ADRA1B: variants seen among roughly 807,000 people sequenced by gnomAD.
The protein encoded by ADRA1B is adrenoceptor alpha 1B.
In ADRA1B, 17 loss-of-function variants were observed where a neutral mutation model predicts 17.9. That is an observed-to-expected ratio of 0.95 (90% CI 0.65 to 1.42). ADRA1B has a LOEUF of 1.42. Among genes scored for constraint, ADRA1B ranks in the 40% most tolerant of loss-of-function variants. ADRA1B has a pLI of 0.00. For synonymous variants in ADRA1B, 366 were observed against 327.6 expected (o/e 1.12, Z -1.27); for missense variants, 681 against 722.1 (o/e 0.94, Z 0.65).
chr5:159,952,485 G>C (rs561618650), intron 1 of ADRA1B, among the ~76,000 whole-genome samples: 1 of 152,234 alleles, frequency 6.6e-6, no homozygotes, highest in South Asian at 2.1e-4. Context: ...GGAAACTACT[G>C]TCCTTGGCTT....
chr5:159,966,849 C>A (rs1561611276), intron 1 of ADRA1B, among the ~76,000 whole-genome samples: 1 of 152,198 alleles, frequency 6.6e-6, no homozygotes, highest in East Asian at 1.9e-4. Flanking sequence ...TCCGTAATAG[C>A]CAAAAATTGG....
Position 159,972,079 on chromosome 5 carries a change from T to G in ADRA1B, c.1150T>G (p.Cys384Gly). The G allele has an allele frequency of 7.7e-7, 1 of 1,296,294 alleles. No homozygotes were observed. Among genetic ancestry groups the G allele is most frequent in the South Asian group, 2.6e-5 (1 of 38,202 alleles). The allele number at this position is 1,296,294 out of a possible 1,614,324, so 80.3% of individuals were successfully genotyped here. A position where few individuals can be genotyped will look rare whatever the true frequency, so the allele number is the denominator to read the frequency against. Residue 384 changes from cysteine to glycine, a missense_variant, in exon 2 of 2, where the codon TGC becomes GGC. This residue lies in a region of ADRA1B where 251 missense variants were observed against 224.9 expected (regional missense o/e 1.12). Transcript: ENST00000306675. ...RRRRRRRLGGCAYTYRPWTRG... is the reference protein window; with the variant it reads ...RRRRRRRLGGGAYTYRPWTRG... ...CCGCCGCCGCCGTCGCCTGGGCGGC[T>G]GCGCCTACACCTACCGGCCGTGGAC...
chr5:159,983,784 T>A, the ADRA1B span, among the ~76,000 whole-genome samples: 68 of 151,976 alleles, frequency 4.5e-4, 1 homozygote, highest in African/African-American at 1.5e-3. Context: ...GCATCACTGA[T>A]CTCTCCTTTT....
intron 1 of ADRA1B, among the ~76,000 whole-genome samples, chr5:159,938,536 T>G (rs762321479): frequency 2.5e-4 from 38 of 152,170 alleles, no homozygotes; most frequent in Admixed American, 1.0e-3. Flanking sequence ...AAAATATGCC[T>G]TCAAGGCTGC....
intron 1 of ADRA1B, among the ~76,000 whole-genome samples, chr5:159,874,960 C>T (rs1206581925): frequency 6.6e-6 from 1 of 152,158 alleles, no homozygotes; most frequent in Non-Finnish European, 1.5e-5. Flanking sequence ...TAAATGAGAA[C>T]TGAGAATTCG....
At chr5:159,945,566 G>A (rs1755246188) in intron 1 of ADRA1B, among the ~76,000 whole-genome samples, 1 of 152,114 alleles carries the variant, frequency 6.6e-6, no homozygotes, top group East Asian at 1.9e-4. Context: ...GTGCTGGACT[G>A]CACAGAAGCA....
chr5:159,970,019 T>C lies in ADRA1B; in HGVS notation c.950-1860T>C, dbSNP rs140163635. Among the ~76,000 whole-genome samples the C allele has an allele frequency of 2.5e-3, 385 of 152,302 alleles. 6 individuals are homozygous for C. In the East Asian group the frequency reaches 0.05, roughly 20 times the overall value. On this transcript the variant is annotated intron_variant, in intron 1 of 1. Transcript: ENST00000306675. Reference sequence around the variant, plus strand: ...AGCATGCTGTGTGACCTGGGGCAAGTCATTTAACCTCTCCAAGTTTCAGCT... The same window carrying C: ...AGCATGCTGTGTGACCTGGGGCAAGCCATTTAACCTCTCCAAGTTTCAGCT...
upstream of ADRA1B, among the ~76,000 whole-genome samples, chr5:159,912,134 G>A (rs1260043705): frequency 6.6e-6 from 1 of 152,200 alleles, no homozygotes; most frequent in Non-Finnish European, 1.5e-5. Context: ...ATTACTCTGT[G>A]CTGAGCACTT....
chr5:159,887,565 C>G (rs565948568), intron 1 of ADRA1B, among the ~76,000 whole-genome samples: 1 of 152,208 alleles, frequency 6.6e-6, no homozygotes, highest in Admixed American at 6.5e-5. Flanking sequence ...AGATAAGCAC[C>G]CAGACTTCTA....
intron 1 of ADRA1B, among the ~76,000 whole-genome samples, chr5:159,881,788 C>T (rs891902): frequency 0.19 from 29,556 of 151,948 alleles, 3,016 homozygotes; most frequent in African/African-American, 0.23. Flanking sequence ...GAGGTCAGGA[C>T]GCTCTCAGAG....
intron 1 of ADRA1B, among the ~76,000 whole-genome samples, chr5:159,926,535 A>G (rs1290821583): frequency 6.6e-6 from 1 of 152,176 alleles, no homozygotes; most frequent in South Asian, 2.1e-4. Context: ...GACTTCTTCT[A>G]GTATTTGAAC....
rs139565935 is a variant in ADRA1B at position 159,954,397 on chromosome 5, G to T, written c.950-17482G>T. 2.2e-3 allele frequency among the ~76,000 whole-genome samples: 335 copies of T among 152,212 alleles called. 2 individuals carry two copies. The highest frequency in any genetic ancestry group is 7.7e-3 in the African/African-American group (321 of 41,526). On this transcript the variant is annotated intron_variant, in intron 1 of 1. Transcript: ENST00000306675. ...GCTCTCTGGGATCTCTTTTATAAGG[G>T]TATGAATCCCATTCATGAGGGCTCC...
chr5:159,879,935 G>A (rs1350905458), intron 1 of ADRA1B, among the ~76,000 whole-genome samples: 1 of 152,196 alleles, frequency 6.6e-6, no homozygotes, highest in Non-Finnish European at 1.5e-5. Flanking sequence ...GGAGGAGGTT[G>A]CAGTGAACTG....
intron 1 of ADRA1B, chr5:159,950,984 C>A (rs1423889639): frequency 4.8e-6 from 3 of 626,738 alleles, no homozygotes; most frequent in Non-Finnish European, 9.0e-6. Flanking sequence ...ATTCTGGAAT[C>A]TTTCCACAAT....
At chr5:159,905,861 A>T (rs887850168) in intron 1 of ADRA1B, among the ~76,000 whole-genome samples, 1 of 146,758 alleles carries the variant, frequency 6.8e-6, no homozygotes, top group African/African-American at 2.5e-5. Context: ...AGTCAATGCC[A>T]TTTTTTTTTT....
the ADRA1B span, among the ~76,000 whole-genome samples, chr5:159,981,302 C>G: frequency 6.6e-6 from 1 of 152,104 alleles, no homozygotes; most frequent in Non-Finnish European, 1.5e-5. Flanking sequence ...CTACTAGATG[C>G]TAGCAGCATC....
At chr5:159,918,705 G>C (rs1754396469) in intron 1 of ADRA1B, among the ~76,000 whole-genome samples, 1 of 152,152 alleles carries the variant, frequency 6.6e-6, no homozygotes, top group African/African-American at 2.4e-5. Context: ...CCTACTAACT[G>C]AATTGTTCAA....
chr5:159,879,769 G>A (rs991301677), intron 1 of ADRA1B, among the ~76,000 whole-genome samples: 2 of 152,184 alleles, frequency 1.3e-5, no homozygotes, highest in Admixed American at 6.5e-5. Context: ...GCCGAGGCGG[G>A]CGGATCACTT....
chr5:159,876,889 C>A (rs532429582), intron 1 of ADRA1B, among the ~76,000 whole-genome samples: 1 of 152,312 alleles, frequency 6.6e-6, no homozygotes, highest in Admixed American at 6.5e-5. Context: ...TCCCTTTCAC[C>A]GTTAGGGGCC....
Sources: allele counts gnomAD v4.1 joint callset (sites outside exome capture counted in the v4.1 genomes callset), GRCh38; gene constraint gnomAD v4.1.1; regional missense constraint gnomAD v4.1.1; transcripts MANE v1.5; gene names NCBI Gene and HGNC (gene_info 2026-07-23, HGNC 2026-07-21).